SLC71A2: variants seen among roughly 807,000 people sequenced by gnomAD.
The protein encoded by SLC71A2 is solute carrier family 71 member 2, also known as hippocampus abundant transcript-like 1.
the SLC71A2 span, among the ~76,000 whole-genome samples, chr9:94,437,765 T>C: frequency 2.8e-5 from 4 of 144,692 alleles, no homozygotes; most frequent in African/African-American, 7.8e-5. Context: ...TTCAAATTTC[T>C]AGCTTCTTCC....
chr9:94,384,134 A>G, the SLC71A2 span, among the ~76,000 whole-genome samples: 1 of 152,130 alleles, frequency 6.6e-6, no homozygotes, highest in East Asian at 1.9e-4. Flanking sequence ...TTCTATACCC[A>G]TGAAACAACA....
chr9:94,443,342 C>G, the SLC71A2 span, among the ~76,000 whole-genome samples: 1 of 152,140 alleles, frequency 6.6e-6, no homozygotes, highest in South Asian at 2.1e-4. Flanking sequence ...GTCTACCTAT[C>G]TTCTAGATAT....
chr9:94,458,176 T>C, the SLC71A2 span: 16 of 594,768 alleles, frequency 2.7e-5, no homozygotes, highest in African/African-American at 2.1e-5. Context: ...GATAAAGTCT[T>C]CCTAATCTAC....
chr9:94,406,054 A>T, the SLC71A2 span, among the ~76,000 whole-genome samples: 2 of 139,780 alleles, frequency 1.4e-5, no homozygotes, highest in African/African-American at 5.4e-5. Context: ...TTATGATGCT[A>T]TTGCAACTTG....
the SLC71A2 span, among the ~76,000 whole-genome samples, chr9:94,421,679 T>A: frequency 1.3e-5 from 2 of 152,184 alleles, no homozygotes; most frequent in Non-Finnish European, 2.9e-5. Context: ...AGAATTGAGC[T>A]CTTGGAATAT....
chr9:94,446,791 A>ATT, the SLC71A2 span: 28 of 1,169,560 alleles, frequency 2.4e-5, no homozygotes, highest in African/African-American at 3.2e-4. Context: ...GTGTATTGGC[A>ATT]TTTTAAGTGT....
At chr9:94,391,741 C>G in the SLC71A2 span, among the ~76,000 whole-genome samples, 1 of 148,130 alleles carries the variant, frequency 6.8e-6, no homozygotes, top group Admixed American at 6.7e-5. Context: ...TACAAAAAAT[C>G]AGCCAGGTGT....
chr9:94,387,179 G>A, the SLC71A2 span, among the ~76,000 whole-genome samples: 2 of 151,976 alleles, frequency 1.3e-5, no homozygotes, highest in East Asian at 3.9e-4. Context: ...CACTTCCTAG[G>A]AAAGGCACTA....
the SLC71A2 span, among the ~76,000 whole-genome samples, chr9:94,448,257 T>TA: frequency 6.6e-6 from 1 of 152,200 alleles, no homozygotes. Flanking sequence ...TCAAAAGCAT[T>TA]AATCAAAATC....
the SLC71A2 span, among the ~76,000 whole-genome samples, chr9:94,423,676 T>C: frequency 2.6e-4 from 39 of 152,082 alleles, no homozygotes; most frequent in African/African-American, 8.4e-4. Context: ...ATAACTCTTA[T>C]GAAATATAGA....
At chr9:94,409,904 A>G in the SLC71A2 span, among the ~76,000 whole-genome samples, 2 of 137,102 alleles carry the variant, frequency 1.5e-5, no homozygotes, top group African/African-American at 2.7e-5. Context: ...TCTTGTTGGG[A>G]AGAGTGTTCA....
chr9:94,440,299 G>A, the SLC71A2 span, among the ~76,000 whole-genome samples: 3 of 152,010 alleles, frequency 2.0e-5, no homozygotes, highest in African/African-American at 4.8e-5. Flanking sequence ...GACTACAGGC[G>A]CCCACCACCA....
chr9:94,445,687 A>C, the SLC71A2 span, among the ~76,000 whole-genome samples: 3 of 151,074 alleles, frequency 2.0e-5, no homozygotes, highest in African/African-American at 7.3e-5. Flanking sequence ...CTTTTTTGGC[A>C]TGGGAAGGTG....
At chr9:94,429,259 A>G in the SLC71A2 span, 1 of 1,592,768 alleles carries the variant, frequency 6.3e-7, no homozygotes, top group South Asian at 1.2e-5. Flanking sequence ...AAGGTAAGAA[A>G]AAATTTTTAT....
the SLC71A2 span, among the ~76,000 whole-genome samples, chr9:94,416,304 C>G: frequency 2.6e-5 from 4 of 152,108 alleles, no homozygotes; most frequent in Admixed American, 1.3e-4. Context: ...TGCTTGAGCT[C>G]AGGAGTTCAA....
chr9:94,413,744 G>A, the SLC71A2 span, among the ~76,000 whole-genome samples: 1 of 151,980 alleles, frequency 6.6e-6, no homozygotes, highest in African/African-American at 2.4e-5. Context: ...AATTCTTTGG[G>A]TTAGGGGTTT....
the SLC71A2 span, among the ~76,000 whole-genome samples, chr9:94,389,980 C>A: frequency 1.3e-5 from 2 of 151,946 alleles, no homozygotes; most frequent in Admixed American, 1.3e-4. Flanking sequence ...TTTGGGAGGC[C>A]GAGGTGGGTG....
At chr9:94,424,727 C>CTTTTTTTTTTTTTTTTT in the SLC71A2 span, among the ~76,000 whole-genome samples, 3 of 91,818 alleles carry the variant, frequency 3.3e-5, no homozygotes, top group Non-Finnish European at 6.0e-5. Flanking sequence ...TTGTTTTCTG[C>CTTTTTTTTTTTTTTTTT]TTTTTTTTTT....
At chr9:94,437,854 T>G in the SLC71A2 span, among the ~76,000 whole-genome samples, 2 of 147,320 alleles carry the variant, frequency 1.4e-5, no homozygotes, top group East Asian at 3.9e-4. Context: ...TCTAATTTCT[T>G]CTGGAAAACA....
Sources: gnomAD v4.1 joint callset for allele counts (sites outside exome capture counted in the v4.1 genomes callset) on GRCh38, gnomAD v4.1.1 for gene constraint, MANE v1.5 for transcripts, NCBI Gene and HGNC (gene_info 2026-07-23, HGNC 2026-07-21) for gene names.